ADAMTS10: variants seen among roughly 807,000 people sequenced by gnomAD.
The protein encoded by ADAMTS10 is A disintegrin and metalloproteinase with thrombospondin motifs 10.
ADAMTS10 carries 48 observed loss-of-function variants against 135.9 expected under a neutral mutation model. That is an observed-to-expected ratio of 0.35 (90% CI 0.28 to 0.45). The LOEUF is 0.45. Ranked by LOEUF, ADAMTS10 falls within the 20% of genes least tolerant of loss-of-function variation. The pLI, the probability that ADAMTS10 is intolerant of heterozygous loss-of-function variation, is 1.00. For synonymous variants in ADAMTS10, 621 were observed against 647.5 expected (o/e 0.96, Z 0.62); for missense variants, 1,131 against 1,565.2 (o/e 0.72, Z 4.68).
At chr19:8,602,466 G>A (rs552000518) in intron 5 of ADAMTS10, among the ~76,000 whole-genome samples, 2 of 152,134 alleles carry the variant, frequency 1.3e-5, no homozygotes, top group Admixed American at 1.3e-4. Flanking sequence ...TTACAGGTGT[G>A]TGCCACCACG....
intron 25 of ADAMTS10, among the ~76,000 whole-genome samples, chr19:8,582,049 A>AAACG (rs1555735992): frequency 6.6e-6 from 1 of 151,412 alleles, no homozygotes; most frequent in Non-Finnish European, 1.5e-5. Flanking sequence ...ACAAACAAAC[A>AAACG]AACAAACACG....
At chr19:8,610,422 GAC>G (rs111492620) in intron 1 of ADAMTS10, among the ~76,000 whole-genome samples, 374 of 145,600 alleles carry the variant, frequency 2.6e-3, no homozygotes, top group African/African-American at 6.0e-3. Flanking sequence ...TACGTGGACG[GAC>G]ACACACACAC....
rs781964214 is a variant in ADAMTS10, at chr19:8,596,401, C to T, written c.1096G>A (p.Val366Met). Residue 366 changes from valine to methionine, a missense_variant, in exon 10 of 26, where the codon GTG becomes ATG. Transcript: ENST00000597188. This position sits in a 1 kb window ranked among gnomAD's most constrained non-coding sequence, Gnocchi z 7.2. ...KPCGTLGLAP[V>M]GGMCERERSC... ...CTCTCGCGCTCACACATTCCGCCCA[C>T]CGGGGCCAGGCCTGGGAAGACGGAC... The T allele has an allele frequency of 9.3e-6, 15 of 1,613,470 alleles. No individual in the cohort carries two copies. The highest frequency in any genetic ancestry group is 1.2e-5 in the Non-Finnish European group (14 of 1,179,880).
In ADAMTS10 at chr19:8,586,585, T is replaced by C. The variant is rs562863468; in HGVS notation, c.2376A>G (p.Gly792=). Residue 792 remains glycine (G), a synonymous_variant, in exon 20 of 26, where the codon GGA becomes GGG. Transcript: ENST00000597188. The stretch of plus-strand genomic sequence containing the variant: ...TGACGATGAGAGATGCATTAATCGG[T>C]CCCAGGGCTTCGAGGCTCTGGACCT... ...PDQVQSLEAL[G]PINASLIVMV... is the part of the protein sequence containing the mutation. The C allele has an allele frequency of 1.2e-6, 2 of 1,613,944 alleles. No individual in the cohort carries two copies. Among genetic ancestry groups the C allele is most frequent in the South Asian group, 1.1e-5 (1 of 91,084 alleles).
intron 4 of ADAMTS10, among the ~76,000 whole-genome samples, chr19:8,604,784 C>G (rs534096823): frequency 6.6e-6 from 1 of 152,100 alleles, no homozygotes; most frequent in African/African-American, 2.4e-5. Context: ...CCATGCCCAG[C>G]CTCGAATTTT....
At chr19:8,598,805 C>T (rs1555740815) in intron 6 of ADAMTS10, among the ~76,000 whole-genome samples, 1 of 151,838 alleles carries the variant, frequency 6.6e-6, no homozygotes, top group East Asian at 1.9e-4. Context: ...GAACTCCCGA[C>T]CTCAGGTGAT....
intron 1 of ADAMTS10, among the ~76,000 whole-genome samples, chr19:8,609,421 G>A (rs2042756807): frequency 6.6e-6 from 1 of 152,028 alleles, no homozygotes; most frequent in Admixed American, 6.6e-5. Flanking sequence ...CGGGGATCCT[G>A]AAGGGACCCT....
intron 2 of ADAMTS10, among the ~76,000 whole-genome samples, chr19:8,606,023 A>G (rs1600122231): frequency 1.3e-5 from 2 of 152,144 alleles, no homozygotes; most frequent in Non-Finnish European, 2.9e-5. Flanking sequence ...AGTATCTCCT[A>G]TGTGCCAGCT....
intron 12 of ADAMTS10, among the ~76,000 whole-genome samples, chr19:8,595,085 G>T (rs782390245): frequency 1.8e-4 from 28 of 152,182 alleles, no homozygotes; most frequent in Non-Finnish European, 4.0e-4. Flanking sequence ...CTAGGGCTGA[G>T]ACTGTGAGGA....
intron 6 of ADAMTS10, among the ~76,000 whole-genome samples, chr19:8,597,899 G>A (rs1555740634): frequency 6.6e-6 from 1 of 151,466 alleles, no homozygotes; most frequent in African/African-American, 2.4e-5. Flanking sequence ...CGCCTCCTGG[G>A]TTCAAGCGAT....
intron 1 of ADAMTS10, among the ~76,000 whole-genome samples, chr19:8,608,905 TA>T (rs1177454483): frequency 1.5e-5 from 2 of 131,392 alleles, no homozygotes; most frequent in East Asian, 4.3e-4. Flanking sequence ...GTGTATGGGG[TA>T]GGGGGAGGAG....
chr19:8,597,959 G>A (rs781841747), intron 6 of ADAMTS10, among the ~76,000 whole-genome samples: 18 of 151,608 alleles, frequency 1.2e-4, no homozygotes, highest in Non-Finnish European at 1.6e-4. Flanking sequence ...GTGAGCCACC[G>A]TGCCCAGCCA....
In ADAMTS10 at chr19:8,595,891, C is replaced by T; in HGVS notation, c.1350G>A (p.Gly450=). The part of the protein sequence containing the change: ...YITSFLDSGL[G]LCLNNRPPRQ... ...TGGGGGGCCGGTTGTTCAGGCAGAG[C>T]CCCAGGCCCGAGCTGCCTCGAGAGA... Residue 450 remains glycine (G), a synonymous_variant, in exon 12 of 26, where the codon GGG becomes GGA. Coordinates refer to ENST00000597188, the MANE Select transcript of ADAMTS10 (RefSeq NM_030957.4). 1 of 1,614,154 alleles carries T rather than the reference C, an allele frequency of 6.2e-7. No individual in the cohort carries two copies. The highest frequency in any genetic ancestry group is 1.3e-5 in the African/African-American group (1 of 75,038).
intron 6 of ADAMTS10, among the ~76,000 whole-genome samples, chr19:8,599,145 T>G (rs2042636525): frequency 6.6e-6 from 1 of 151,970 alleles, no homozygotes; most frequent in Non-Finnish European, 1.5e-5. Flanking sequence ...ACGCTGAGGC[T>G]TAGAGAGGTC....
chr19:8,605,653 A>G lies in ADAMTS10; in HGVS notation c.58T>C (p.Phe20Leu), dbSNP rs868954616. 6.2e-7 allele frequency: 1 copy of G among 1,613,622 alleles called. No homozygotes were observed. Among genetic ancestry groups the G allele is most frequent in the East Asian group, 2.2e-5 (1 of 44,850 alleles). Residue 20 changes from phenylalanine to leucine, a missense_variant, in exon 3 of 26, where the codon TTC (phenylalanine) becomes CTC (leucine). Transcript: ENST00000597188. The surrounding 1 kb of genome is among the most constrained non-coding windows in gnomAD (Gnocchi z 7.7). ...WALALGLGLM[F>L]EVTHAFRSQD... The stretch of plus-strand genomic sequence containing the variant: ...GACCGGAAGGCGTGCGTGACCTCGA[A>G]CATGAGGCCCAGCCCCAGGGCGAGG...
chr19:8,592,228 T>G (rs1600105341), intron 13 of ADAMTS10, 125 bp from the exon 14 acceptor site: 1,789 of 1,433,264 alleles, frequency 1.2e-3, no homozygotes, highest in Non-Finnish European at 1.5e-3. Flanking sequence ...AGAGGCGGGG[T>G]CTGAACATGC....
In ADAMTS10 at chr19:8,601,424, C is replaced by T. The variant is rs528662155; in HGVS notation, c.593-279G>A. 5.8e-4 allele frequency among the ~76,000 whole-genome samples: 87 copies of T among 148,792 alleles called. No individual in the cohort carries two copies. The highest frequency in any genetic ancestry group is 2.0e-3 in the African/African-American group (79 of 40,246). On this transcript the variant is annotated intron_variant, in intron 5 of 25. Transcript: ENST00000597188. This position sits in a 1 kb window ranked among gnomAD's most constrained non-coding sequence, Gnocchi z 4.6. ...TCACCCAGGCTGGACTGCAGTGGTG[C>T]GATCTTGGCTCACTGAAACCTCTGC...
chr19:8,586,837 T>C lies in ADAMTS10; in HGVS notation c.2218A>G (p.Asn740Asp), dbSNP rs199835470. 3 of 1,614,106 alleles carry C rather than the reference T, an allele frequency of 1.9e-6. No individual in the cohort carries two copies. The East Asian group carries it at 6.7e-5, about 36-fold the overall frequency. Residue 740 changes from asparagine (N) to aspartate (D), a missense_variant, in exon 19 of 26, where the codon AAC (asparagine) becomes GAC (aspartate). By Grantham distance (23) the Asn-to-Asp change is conservative. Transcript: ENST00000597188. Reference sequence around the variant, plus strand: ...TCACCCAAGTGACTGAGAGAGAGGTTCAGATCCTGGATGAAGATGTGGACG... The same window carrying C: ...TCACCCAAGTGACTGAGAGAGAGGTCCAGATCCTGGATGAAGATGTGGACG... Reference protein sequence around the residue: ...GSVHIFIQDLNLSLSHLALKG... With the variant: ...GSVHIFIQDLDLSLSHLALKG...
chr19:8,600,713 T>C lies in ADAMTS10; in HGVS notation c.810+215A>G, dbSNP rs542734271. Among the ~76,000 whole-genome samples the C allele has an allele frequency of 7.9e-5, 12 of 152,080 alleles. 1 individual carries two copies. The South Asian group carries it at 1.9e-3, about 24-fold the overall frequency. ...TGGGGTTTCACCGTGTTAGCCAGGATGGTCTCCATCTCCTGACCTTGTGAT... is the reference window on the plus strand; with the variant it reads ...TGGGGTTTCACCGTGTTAGCCAGGACGGTCTCCATCTCCTGACCTTGTGAT... On this transcript the variant is annotated intron_variant, in intron 6 of 25. Coordinates refer to ENST00000597188, the MANE Select transcript of ADAMTS10 (RefSeq NM_030957.4).
Sources: allele counts gnomAD v4.1 joint callset (sites outside exome capture counted in the v4.1 genomes callset), GRCh38; gene constraint gnomAD v4.1.1; non-coding constraint Gnocchi (gnomAD v3.1); transcripts MANE v1.5; gene names NCBI Gene and HGNC (gene_info 2026-07-23, HGNC 2026-07-21).